Variants in RBFOX1 observed in about 807,000 individuals in gnomAD.
RBFOX1 encodes the protein RNA binding fox-1 homolog 1, also known as RNA binding protein fox-1 homolog 1.
Under a neutral mutation model 57.7 loss-of-function variants are expected in RBFOX1, and 8 were observed. That is an observed-to-expected ratio of 0.14 (90% CI 0.08 to 0.25). The LOEUF (loss-of-function observed/expected upper bound fraction) is 0.25, where lower values mean the gene tolerates loss of function less well. RBFOX1 is among the 10% of genes least tolerant of loss of function. RBFOX1 has a pLI of 1.00. For missense variants in RBFOX1, 611 were observed against 548.5 expected, an observed-to-expected ratio of 1.11 and a Z score of -1.14; for synonymous variants, 326 against 222.4, an observed-to-expected ratio of 1.47 and a Z score of -4.15.
chr16:5,619,547 T>G (rs2048142332), intron 3 of RBFOX1, among the ~76,000 whole-genome samples: 1 of 152,194 alleles, frequency 6.6e-6, no homozygotes, highest in Non-Finnish European at 1.5e-5. Flanking sequence ...GAAATTGGAT[T>G]GAAAATCTCG....
chr16:7,352,598 A>C (rs1168698337), intron 4 of RBFOX1, among the ~76,000 whole-genome samples: 1 of 152,158 alleles, frequency 6.6e-6, no homozygotes, highest in Non-Finnish European at 1.5e-5. Context: ...CCTTGCCTTC[A>C]GAAACAAGCT....
Position 7,592,935 on chromosome 16 carries a change from C to T in RBFOX1, c.469-2614C>T, listed in dbSNP as rs553390691. Among the ~76,000 whole-genome samples the T allele has an allele frequency of 2.9e-3, 434 of 151,844 alleles. 3 individuals are homozygous for T. Among genetic ancestry groups the T allele is most frequent in the African/African-American group, 9.8e-3 (406 of 41,384 alleles). On this transcript the variant is annotated intron_variant, in intron 7 of 15. Coordinates refer to ENST00000550418, the MANE Select transcript of RBFOX1 (RefSeq NM_018723.4). ...CAAGCAATGAATGCTCCCACCTCAG[C>T]CTCCCAAGTAGCAGAGACAATAGGT...
intron 3 of RBFOX1, among the ~76,000 whole-genome samples, chr16:6,924,338 A>T (rs1378551820): frequency 6.6e-6 from 1 of 151,994 alleles, no homozygotes; most frequent in African/African-American, 2.4e-5. Flanking sequence ...CATGGGAGGC[A>T]TGTTGGGCAG....
intron 1 of RBFOX1, among the ~76,000 whole-genome samples, chr16:6,277,052 G>T (rs1206677429): frequency 6.6e-6 from 1 of 152,082 alleles, no homozygotes; most frequent in African/African-American, 2.4e-5. Context: ...ACCGGACATG[G>T]GTTATCACTT....
chr16:7,649,933 TAATA>T (rs2144438480), intron 11 of RBFOX1, among the ~76,000 whole-genome samples: 1 of 150,728 alleles, frequency 6.6e-6, no homozygotes, highest in African/African-American at 2.4e-5. Context: ...AGGCAGGAAT[TAATA>T]AAGAAATGAA....
chr16:6,900,332 G>A (rs1427031983), intron 3 of RBFOX1, among the ~76,000 whole-genome samples: 1 of 152,148 alleles, frequency 6.6e-6, no homozygotes, highest in Non-Finnish European at 1.5e-5. Flanking sequence ...ATCTCCCCCT[G>A]GAGCTACCAC....
intron 4 of RBFOX1, among the ~76,000 whole-genome samples, chr16:5,944,789 C>CGAAAAAAAA (rs2059360169): frequency 4.0e-5 from 1 of 24,906 alleles, no homozygotes; most frequent in Non-Finnish European, 8.1e-5. Context: ...CCTGTCTCTG[C>CGAAAAAAAA]TAAAAAAAAA....
intron 3 of RBFOX1, among the ~76,000 whole-genome samples, chr16:7,020,506 A>G (rs577806001): frequency 4.6e-5 from 7 of 152,280 alleles, no homozygotes; most frequent in African/African-American, 1.7e-4. Context: ...GGCGTCAGCC[A>G]CCGCGCCCAG....
chr16:6,666,060 G>C (rs1403837968), intron 3 of RBFOX1, among the ~76,000 whole-genome samples: 1 of 152,140 alleles, frequency 6.6e-6, no homozygotes, highest in Non-Finnish European at 1.5e-5. Flanking sequence ...CCTTTCGCTT[G>C]TTTTTCATTC....
At chr16:5,608,714 C>CGTTA (rs1234191439) in intron 3 of RBFOX1, among the ~76,000 whole-genome samples, 1 of 152,220 alleles carries the variant, frequency 6.6e-6, no homozygotes, top group Non-Finnish European at 1.5e-5. Context: ...AGTTGTAGGG[C>CGTTA]TAACAGTTGT....
At chr16:6,959,857 A>C (rs1490015820) in intron 3 of RBFOX1, among the ~76,000 whole-genome samples, 1 of 152,152 alleles carries the variant, frequency 6.6e-6, no homozygotes, top group Non-Finnish European at 1.5e-5. Context: ...GAATCGCTTG[A>C]ACCTAGGAGG....
chr16:6,193,304 G>A (rs984462388), intron 1 of RBFOX1, among the ~76,000 whole-genome samples: 3 of 145,776 alleles, frequency 2.1e-5, no homozygotes, highest in Non-Finnish European at 4.5e-5. Context: ...CTTCGTGGGA[G>A]TTAAGAAATT....
At chr16:5,568,789 C>T (rs903573597) in intron 2 of RBFOX1, among the ~76,000 whole-genome samples, 4 of 152,126 alleles carry the variant, frequency 2.6e-5, no homozygotes, top group African/African-American at 9.7e-5. Flanking sequence ...TTTGTTTTTT[C>T]ACTCCTCCCA....
rs746627987 is a variant in RBFOX1, at chr16:5,398,463, ATG to A, written c.220-68746_220-68745del. ...CTTGTGCTTGTGTGTATGTGTATGC[ATG>A]TGTGTGAATTGCAGGCACTTGTGCT... On this transcript the variant is annotated intron_variant, in intron 1 of 2. Transcript: ENST00000585867. Among the ~76,000 whole-genome samples, 8 of 151,282 alleles carry A rather than the reference ATG, an allele frequency of 5.3e-5. No individual in the cohort carries two copies. The South Asian group carries it at 6.3e-4, about 12-fold the overall frequency.
chr16:6,074,839 G>A (rs1222922388), intron 1 of RBFOX1, among the ~76,000 whole-genome samples: 3 of 152,154 alleles, frequency 2.0e-5, no homozygotes, highest in African/African-American at 2.4e-5. Context: ...GGTGGCTTAC[G>A]TCTGTAATTT....
At chr16:7,631,063 C>G (rs2060872316) in intron 11 of RBFOX1, among the ~76,000 whole-genome samples, 2 of 152,192 alleles carry the variant, frequency 1.3e-5, no homozygotes, top group African/African-American at 4.8e-5. Context: ...AGATGCTTAA[C>G]CAGGATTCTT....
At chr16:5,610,615 G>C (rs1319460164) in intron 3 of RBFOX1, 2 of 152,120 alleles carry the variant, frequency 1.3e-5, no homozygotes, top group African/African-American at 4.8e-5. Flanking sequence ...GGTTGAGGCA[G>C]GAGGTCAGTT....
At chr16:6,406,783 C>T (rs1050474222) in intron 2 of RBFOX1, among the ~76,000 whole-genome samples, 1 of 152,104 alleles carries the variant, frequency 6.6e-6, no homozygotes, top group African/African-American at 2.4e-5. Flanking sequence ...TGGAGGCTAC[C>T]TGGGGTCAGG....
chr16:5,915,886 T>C (rs746058036), intron 4 of RBFOX1, among the ~76,000 whole-genome samples: 5 of 152,138 alleles, frequency 3.3e-5, no homozygotes, highest in African/African-American at 4.8e-5. Context: ...ATCATAAGCC[T>C]TAAAAAATGT....
Sources: gnomAD v4.1 joint callset for allele counts (sites outside exome capture counted in the v4.1 genomes callset) on GRCh38, gnomAD v4.1.1 for gene constraint, MANE v1.5 for transcripts, NCBI Gene and HGNC (gene_info 2026-07-23, HGNC 2026-07-21) for gene names.